The following TSPAN15 variants were observed in gnomAD, a reference collection of about 807,000 sequenced individuals.
TSPAN15 encodes tetraspanin-15.
Under a neutral mutation model 34.5 loss-of-function variants are expected in TSPAN15, and 20 were observed. The observed-to-expected ratio is 0.58, with a 90% CI of 0.41 to 0.84. TSPAN15 has a LOEUF of 0.84. Among genes scored for constraint, TSPAN15 ranks in the 40% least tolerant of loss-of-function variants. TSPAN15 has a pLI of 0.00. For missense variants in TSPAN15, 313 were observed against 386.1 expected, an observed-to-expected ratio of 0.81 and a Z score of 1.59; for synonymous variants, 155 against 153.9, an observed-to-expected ratio of 1.01 and a Z score of -0.05.
chr10:69,495,677 T>A lies in TSPAN15; in HGVS notation c.441T>A (p.Phe147Leu). 6.2e-7 allele frequency: 1 copy of A among 1,613,862 alleles called. No individual in the cohort carries two copies. Among genetic ancestry groups the A allele is most frequent in the Non-Finnish European group, 8.5e-7 (1 of 1,179,760 alleles). The change falls in exon 4 of 8, where the codon TTT becomes TTA. Residue 147 changes from phenylalanine to leucine, a missense_variant. By Grantham distance (22) the Phe-to-Leu change is conservative. Transcript: ENST00000373290. ...DDLDFKNIMD[F>L]VQKKFKCCGG... ...TGGACTTCAAAAACATCATGGACTTTGTTCAGAAAAAGGTGAGCCAGGCGC... is the reference window on the plus strand; with the variant it reads ...TGGACTTCAAAAACATCATGGACTTAGTTCAGAAAAAGGTGAGCCAGGCGC...
the TSPAN15 span, among the ~76,000 whole-genome samples, chr10:69,544,196 T>C: frequency 6.6e-6 from 1 of 152,210 alleles, no homozygotes; most frequent in East Asian, 1.9e-4. Flanking sequence ...TTTACCTTTG[T>C]TGCATCCACC....
the TSPAN15 span, among the ~76,000 whole-genome samples, chr10:69,535,913 C>A: frequency 0.026 from 3,946 of 152,304 alleles, 160 homozygotes; most frequent in African/African-American, 0.09. Flanking sequence ...CTCCCACTGT[C>A]CCAGGGGTTG....
chr10:69,539,482 G>GAGAAGAAGAAGA, the TSPAN15 span, among the ~76,000 whole-genome samples: 905 of 66,936 alleles, frequency 0.014, 22 homozygotes, highest in South Asian at 0.018. Context: ...GAAGGAGAAG[G>GAGAAGAAGAAGA]AGAAGAAGAA....
In TSPAN15 at chr10:69,451,548, G is replaced by A; in HGVS notation, c.-47G>A. On this transcript the variant is annotated 5_prime_UTR_variant, in exon 1 of 8. Coordinates refer to ENST00000373290, the MANE Select transcript of TSPAN15 (RefSeq NM_012339.5). ...CCACGAGCGCTGGCTGAGGGACCGA[G>A]CCGGAGAGCCCCGGAGCCCCCGTAA... 4 of 1,350,014 alleles carry A rather than the reference G, an allele frequency of 3.0e-6. No homozygotes were observed. The highest frequency in any genetic ancestry group is 3.8e-6 in the Non-Finnish European group (4 of 1,048,962). The allele number at this position is 1,350,014 out of a possible 1,614,324, so 83.6% of individuals were successfully genotyped here.
chr10:69,506,034 G>A lies in TSPAN15; in HGVS notation c.619-90G>A. 9.3e-7 allele frequency: 1 copy of A among 1,075,732 alleles called. No homozygotes were observed. Among genetic ancestry groups the A allele is most frequent in the Non-Finnish European group, 1.4e-6 (1 of 709,562 alleles). 66.6% of individuals were successfully genotyped at this position (1,075,732 alleles called of 1,614,324 possible). On this transcript the variant is annotated intron_variant, in intron 6 of 7. Transcript: ENST00000373290. This position sits in a 1 kb window ranked among gnomAD's most constrained non-coding sequence, Gnocchi z 4.7. ...GAGGATCACAGCGGTTGAGGGACTA[G>A]CCTGGACCTTGTGTACATGGCAGAG...
chr10:69,495,651 C>G lies in TSPAN15; in HGVS notation c.415C>G (p.Leu139Val). Residue 139 changes from leucine to valine, a missense_variant, in exon 4 of 8, where the codon CTG becomes GTG. Coordinates refer to ENST00000373290, the MANE Select transcript of TSPAN15 (RefSeq NM_012339.5). ...AGGAATTGAGAACTACTATGATGATCTGGACTTCAAAAACATCATGGACTT... is the reference window on the plus strand; with the variant it reads ...AGGAATTGAGAACTACTATGATGATGTGGACTTCAAAAACATCATGGACTT... ...RRGIENYYDD[L>V]DFKNIMDFVQ... 11 of 1,614,102 alleles carry G rather than the reference C, an allele frequency of 6.8e-6. No individual in the cohort carries two copies. Among genetic ancestry groups the G allele is most frequent in the Non-Finnish European group, 9.3e-6 (11 of 1,179,944 alleles).
In TSPAN15 at chr10:69,485,338, G is replaced by C. The variant is rs1007379609; in HGVS notation, c.357+123G>C. The C allele has an allele frequency of 3.8e-5, 32 of 834,188 alleles. No homozygotes were observed. In the Admixed American group the frequency reaches 4.1e-4, roughly 11 times the overall value. 51.7% of individuals were successfully genotyped at this position (834,188 alleles called of 1,614,324 possible). On this transcript the variant is annotated intron_variant, in intron 3 of 7. Transcript: ENST00000373290. The stretch of plus-strand genomic sequence containing the variant: ...ACCCCCATGGAGCTTTCATTCTGCT[G>C]AAAGAGAATGACAGGCACTGAACAA...
chr10:69,491,083 C>A (rs1042613389), intron 3 of TSPAN15, among the ~76,000 whole-genome samples: 4 of 152,210 alleles, frequency 2.6e-5, no homozygotes, highest in African/African-American at 9.7e-5. Flanking sequence ...TGAAACATAA[C>A]CCTCTCCCAC....
At chr10:69,482,535 G>A (rs1841755115) in intron 1 of TSPAN15, among the ~76,000 whole-genome samples, 1 of 152,348 alleles carries the variant, frequency 6.6e-6, no homozygotes, top group South Asian at 2.1e-4. Flanking sequence ...TGTGTGAAAT[G>A]TCTGTTGCCC....
intron 1 of TSPAN15, among the ~76,000 whole-genome samples, chr10:69,463,704 G>A (rs1177273172): frequency 6.6e-6 from 1 of 151,972 alleles, no homozygotes; most frequent in African/African-American, 2.4e-5. Context: ...CAGTTACTTG[G>A]GAGGCTGAGG....
chr10:69,545,336 A>G, the TSPAN15 span, among the ~76,000 whole-genome samples: 10 of 152,056 alleles, frequency 6.6e-5, no homozygotes, highest in Non-Finnish European at 1.2e-4. Context: ...CTCCCCTCTG[A>G]TCTCCCCAGG....
chr10:69,487,528 G>A lies in TSPAN15; in HGVS notation c.357+2313G>A, dbSNP rs112160574. Among the ~76,000 whole-genome samples, 601 of 152,044 alleles carry A rather than the reference G, an allele frequency of 4.0e-3. 4 individuals carry two copies. The highest frequency in any genetic ancestry group is 0.013 in the African/African-American group (557 of 41,452). ...TGTGCAGCCAGCAGAGCTCCCGGCC[G>A]CCCTGAGGCTTTCCAGGGTTAGCAC... On this transcript the variant is annotated intron_variant, in intron 3 of 7. Transcript: ENST00000373290.
intron 1 of TSPAN15, among the ~76,000 whole-genome samples, chr10:69,453,546 C>G (rs908914764): frequency 6.6e-5 from 10 of 152,144 alleles, no homozygotes; most frequent in African/African-American, 2.4e-4. Context: ...TATATAATCA[C>G]AAACCAGTCT....
chr10:69,494,994 G>A (rs1368132613), intron 3 of TSPAN15: 2 of 504,098 alleles, frequency 4.0e-6, no homozygotes, highest in Admixed American at 6.4e-5. Flanking sequence ...TAGCCGAGGG[G>A]GACCGAGTGC....
the TSPAN15 span, among the ~76,000 whole-genome samples, chr10:69,519,858 G>A: frequency 6.6e-6 from 1 of 152,040 alleles, no homozygotes; most frequent in South Asian, 2.1e-4. Flanking sequence ...TCAGCCTCCC[G>A]AGTAGCTGGG....
chr10:69,490,864 T>C (rs1304055091), intron 3 of TSPAN15, among the ~76,000 whole-genome samples: 11 of 152,394 alleles, frequency 7.2e-5, no homozygotes, highest in Non-Finnish European at 1.6e-4. Context: ...TTTTCCCAAA[T>C]ATTTTCCATC....
the TSPAN15 span, among the ~76,000 whole-genome samples, chr10:69,539,497 A>G: frequency 8.6e-3 from 582 of 67,698 alleles, 39 homozygotes; most frequent in East Asian, 0.028. Context: ...GAAGAAGAAG[A>G]AGAAGAAGAA....
intron 1 of TSPAN15, 72 bp from the exon 2 acceptor site, chr10:69,483,619 C>T: frequency 6.6e-7 from 1 of 1,505,666 alleles, no homozygotes. Context: ...GTACCACAGC[C>T]CCAGATGACT....
At chr10:69,505,729 C>T (rs1190322265) in intron 6 of TSPAN15, among the ~76,000 whole-genome samples, 1 of 152,042 alleles carries the variant, frequency 6.6e-6, no homozygotes, top group Non-Finnish European at 1.5e-5. Context: ...TTTATATGTA[C>T]CTGGAGTGGG....
Sources: allele counts gnomAD v4.1 joint callset (sites outside exome capture counted in the v4.1 genomes callset), GRCh38; gene constraint gnomAD v4.1.1; non-coding constraint Gnocchi (gnomAD v3.1); transcripts MANE v1.5; gene names NCBI Gene and HGNC (gene_info 2026-07-23, HGNC 2026-07-21).